Variants in TRAPPC9 observed in about 807,000 individuals in gnomAD.
The protein encoded by TRAPPC9 is trafficking protein particle complex subunit 9.
A neutral mutation model predicts 124.0 loss-of-function variants in TRAPPC9; 83 were observed. The observed-to-expected ratio is 0.67, with a 90% confidence interval of 0.56 to 0.80. The LOEUF (loss-of-function observed/expected upper bound fraction) is 0.80. Ranked by LOEUF, TRAPPC9 falls within the 30% of genes least tolerant of loss-of-function variation. TRAPPC9 has a pLI of 0.00. For synonymous variants in TRAPPC9, 638 were observed against 617.5 expected, an observed-to-expected ratio of 1.03 and a Z score of -0.49; for missense variants, 1,302 against 1,508.3, an observed-to-expected ratio of 0.86 and a Z score of 2.27.
intron 15 of TRAPPC9, among the ~76,000 whole-genome samples, chr8:140,256,729 T>C (rs907971138): frequency 6.6e-6 from 1 of 152,142 alleles, no homozygotes. Flanking sequence ...CCCACCTTCC[T>C]AGCTTGCCAT....
At chr8:140,229,251 C>CTTTTTTTTTTTTTTTTTTTTTTT (rs528175891) in intron 16 of TRAPPC9, among the ~76,000 whole-genome samples, 1 of 99,816 alleles carries the variant, frequency 1.0e-5, no homozygotes, top group African/African-American at 4.6e-5. Context: ...TTTTCTTTTT[C>CTTTTTTTTTTTTTTTTTTTTTTT]TTTTTTTTTT....
intron 9 of TRAPPC9, among the ~76,000 whole-genome samples, chr8:140,329,627 G>A (rs774696519): frequency 1.3e-5 from 2 of 152,210 alleles, no homozygotes; most frequent in Non-Finnish European, 1.5e-5. Context: ...GCTAGTAAGT[G>A]AGGCTGAGAT....
Position 140,023,927 on chromosome 8 carries a change from A to C in TRAPPC9, c.2699+10T>G. ...AGAACAAGACGGCTGTGCGGCAGGA[A>C]GACATTTACCTGGTTGCTGGGAGGG... On this transcript the variant is annotated intron_variant, in intron 18 of 22. Coordinates refer to ENST00000438773, the MANE Select transcript of TRAPPC9 (RefSeq NM_001160372.4). 1 of 1,613,948 alleles carries C rather than the reference A, an allele frequency of 6.2e-7. No homozygotes were observed. The highest frequency in any genetic ancestry group is 8.5e-7 in the Non-Finnish European group (1 of 1,179,892).
intron 17 of TRAPPC9, among the ~76,000 whole-genome samples, chr8:140,052,246 A>C (rs1323040351): frequency 1.4e-5 from 2 of 145,468 alleles, no homozygotes; most frequent in Non-Finnish European, 3.0e-5. Context: ...AACAACAACA[A>C]CACAGAAACT....
intron 21 of TRAPPC9, among the ~76,000 whole-genome samples, chr8:139,755,410 G>A (rs1407258445): frequency 6.8e-6 from 1 of 147,744 alleles, no homozygotes; most frequent in East Asian, 2.1e-4. Context: ...CGCAGGAAGA[G>A]CCAGGGTTTG....
intron 20 of TRAPPC9, among the ~76,000 whole-genome samples, chr8:139,894,705 C>T (rs1186620480): frequency 6.6e-6 from 1 of 152,212 alleles, no homozygotes; most frequent in Non-Finnish European, 1.5e-5. Context: ...TAATCAAAGG[C>T]AGAGGAGAGT....
chr8:140,251,277 T>C (rs1433459248), intron 16 of TRAPPC9, among the ~76,000 whole-genome samples: 2 of 152,182 alleles, frequency 1.3e-5, no homozygotes. Flanking sequence ...CCAAACCCCC[T>C]TCTTGGGAAG....
At chr8:140,194,710 T>C (rs55676417) in intron 17 of TRAPPC9, among the ~76,000 whole-genome samples, 75,592 of 151,980 alleles carry the variant, frequency 0.5, 19,080 homozygotes, top group Middle Eastern at 0.67. Flanking sequence ...TCAACTGTCT[T>C]TGAAGCTTTA....
At chr8:140,383,489 C>T (rs920698407) in intron 7 of TRAPPC9, among the ~76,000 whole-genome samples, 10 of 152,144 alleles carry the variant, frequency 6.6e-5, no homozygotes, top group African/African-American at 2.2e-4. Context: ...GAGCTGAAAA[C>T]GATGGCACGA....
chr8:140,234,568 A>G (rs1197193167), intron 16 of TRAPPC9, among the ~76,000 whole-genome samples: 3 of 152,166 alleles, frequency 2.0e-5, no homozygotes, highest in African/African-American at 7.2e-5. Context: ...GAAGACAGAG[A>G]AAAAAAAGAA....
intron 7 of TRAPPC9, among the ~76,000 whole-genome samples, chr8:140,375,629 A>G (rs954121701): frequency 3.9e-5 from 6 of 152,218 alleles, no homozygotes; most frequent in Admixed American, 3.9e-4. Flanking sequence ...AAAAAGACTC[A>G]ATGAAATAAT....
At chr8:140,180,148 T>C in intron 17 of TRAPPC9, among the ~76,000 whole-genome samples, 1 of 151,744 alleles carries the variant, frequency 6.6e-6, no homozygotes, top group South Asian at 2.1e-4. Context: ...TTTTCTCTTC[T>C]TTTCCTCCCT....
intron 17 of TRAPPC9, among the ~76,000 whole-genome samples, chr8:140,127,616 G>T (rs1250362507): frequency 6.6e-6 from 1 of 152,160 alleles, no homozygotes. Context: ...AGGATGCAGG[G>T]TTTTTTATAA....
chr8:140,364,292 C>CAAAAA (rs34616334), intron 8 of TRAPPC9, among the ~76,000 whole-genome samples: 3 of 53,040 alleles, frequency 5.7e-5, no homozygotes, highest in East Asian at 6.1e-4. Context: ...TCAAAGGATG[C>CAAAAA]AAAAAAAAAA....
chr8:140,324,202 G>A (rs1216262483), intron 9 of TRAPPC9, among the ~76,000 whole-genome samples: 1 of 152,092 alleles, frequency 6.6e-6, no homozygotes, highest in African/African-American at 2.4e-5. Flanking sequence ...TAAAAGGATG[G>A]GGGGGAAAAG....
At chr8:139,887,217 CTT>C (rs1221275448) in intron 20 of TRAPPC9, among the ~76,000 whole-genome samples, 62 of 130,510 alleles carry the variant, frequency 4.8e-4, no homozygotes, top group East Asian at 4.4e-4. Flanking sequence ...CCTATTTTAG[CTT>C]TTTTTTTTTT....
chr8:140,023,793 C>T, intron 18 of TRAPPC9, 144 bp downstream of exon 18: 2 of 1,270,446 alleles, frequency 1.6e-6, no homozygotes, highest in Non-Finnish European at 2.3e-6. Context: ...AAAGAAAAAC[C>T]TACATCCCAG....
At chr8:140,002,390 C>T (rs1450944220) in intron 18 of TRAPPC9, among the ~76,000 whole-genome samples, 1 of 152,022 alleles carries the variant, frequency 6.6e-6, no homozygotes, top group African/African-American at 2.4e-5. Context: ...TCCATTTTTC[C>T]CAAGTTAATT....
intron 16 of TRAPPC9, among the ~76,000 whole-genome samples, chr8:140,233,597 T>C: frequency 9.0e-6 from 1 of 110,638 alleles, no homozygotes; most frequent in Non-Finnish European, 1.9e-5. Context: ...TCTCGCTCTC[T>C]CCCTCCCTCC....
Sources: allele counts gnomAD v4.1 joint callset (sites outside exome capture counted in the v4.1 genomes callset), GRCh38; gene constraint gnomAD v4.1.1; transcripts MANE v1.5; gene names NCBI Gene and HGNC (gene_info 2026-07-23, HGNC 2026-07-21).